Variants in UNC80 observed in about 807,000 individuals in gnomAD.
UNC80 encodes the protein unc-80 subunit of NALCN channel complex, also known as protein unc-80 homolog.
Under a neutral mutation model 384.6 loss-of-function variants are expected in UNC80, and 164 were observed. The ratio of observed to expected loss-of-function variants is 0.43; its 90% confidence interval spans 0.38 to 0.49. The LOEUF is 0.49. UNC80 is among the 20% of genes least tolerant of loss of function. The probability of loss-of-function intolerance (pLI) is 0.00; values close to 1 mark genes in which losing one functional copy is unlikely to be tolerated. For synonymous variants in UNC80, 1,486 were observed against 1,527.8 expected (o/e 0.97, Z 0.64); for missense variants, 3,330 against 4,143.0 (o/e 0.80, Z 5.39).
chr2:209,881,680 G>T (rs2085304515), intron 25 of UNC80, among the ~76,000 whole-genome samples: 1 of 151,810 alleles, frequency 6.6e-6, no homozygotes, highest in Non-Finnish European at 1.5e-5. Flanking sequence ...CTCCTGTGTG[G>T]TATACCATGA....
At chr2:209,908,878 T>C (rs1216734998) in intron 29 of UNC80, among the ~76,000 whole-genome samples, 2 of 152,216 alleles carry the variant, frequency 1.3e-5, no homozygotes, top group Non-Finnish European at 2.9e-5. Context: ...TGAGAAATAC[T>C]GCATTTCTGT....
At chr2:209,885,072 C>A (rs1351123120) in intron 25 of UNC80, among the ~76,000 whole-genome samples, 9 of 150,532 alleles carry the variant, frequency 6.0e-5, no homozygotes, top group Non-Finnish European at 1.2e-4. Flanking sequence ...TAAATTAATT[C>A]TTTTTAAAAA....
At position 209,912,640 on chromosome 2, in the gene UNC80, C is replaced by T. The variant is rs367616640; in HGVS notation, c.4863C>T (p.Ser1621=). 1.4e-4 allele frequency: 212 copies of T among 1,551,180 alleles called. No homozygotes were observed. In the East Asian group the frequency reaches 3.1e-3, roughly 23 times the overall value. The part of the protein sequence containing the change: ...SDANLEGKKD[S]GMLKYIRLQV... ...CCAATCTGGAAGGAAAAAAAGATTC[C>T]GGAATGCTGAAGTACATCAGACTTC... Residue 1621 remains serine (S), a synonymous_variant, in exon 30 of 65, where the codon TCC becomes TCT. Transcript: ENST00000673920.
intron 28 of UNC80, among the ~76,000 whole-genome samples, chr2:209,899,127 A>C (rs573358552): frequency 6.6e-6 from 1 of 152,194 alleles, no homozygotes; most frequent in Non-Finnish European, 1.5e-5. Flanking sequence ...TAACTTCAAT[A>C]TATGAATCTA....
In UNC80 at chr2:209,941,344, A is replaced by G. The variant is rs545275856; in HGVS notation, c.6770A>G (p.Asn2257Ser). ...GGAGACGAAATCATGCTTTTCCTCA[A>G]CGTTTTTAACGGGGCTCTGATCCTC... Reference protein sequence around the residue: ...PWGDEIMLFLNVFNGALILHP... With the variant: ...PWGDEIMLFLSVFNGALILHP... Residue 2257 changes from asparagine (N) to serine (S), a missense_variant, in exon 44 of 65, where the codon AAC becomes AGC. Asn to Ser is a conservative substitution (Grantham distance 46). Coordinates refer to ENST00000673920, the MANE Select transcript of UNC80 (RefSeq NM_001371986.1). 1.4e-5 allele frequency: 21 copies of G among 1,551,130 alleles called. No individual in the cohort carries two copies. The South Asian group carries it at 1.7e-4, about 12-fold the overall frequency.
Position 209,777,512 on chromosome 2 carries a change from G to A in UNC80, c.553G>A (p.Val185Met). The change falls in exon 4 of 65, where the codon GTG becomes ATG. Residue 185 changes from valine to methionine, a missense_variant. Val to Met is a conservative substitution (Grantham distance 21, BLOSUM62 1). Transcript: ENST00000673920. Reference sequence around the variant, plus strand: ...GATCTTCCAGAACTCCATGGCTACTGTGGAGCTCTTCGTGTTTCTGTTTGC... The same window carrying A: ...GATCTTCCAGAACTCCATGGCTACTATGGAGCTCTTCGTGTTTCTGTTTGC... ...RKIFQNSMAT[V>M]ELFVFLFAPL... 1 of 1,614,066 alleles carries A rather than the reference G, an allele frequency of 6.2e-7. No individual in the cohort carries two copies. The highest frequency in any genetic ancestry group is 8.5e-7 in the Non-Finnish European group (1 of 1,179,944).
chr2:209,913,710 C>A, intron 30 of UNC80, 92 bp from the exon 31 acceptor site: 1 of 1,328,832 alleles, frequency 7.5e-7, no homozygotes, highest in Non-Finnish European at 1.0e-6. Context: ...TTAAGGCAAG[C>A]AGAGAGAGGG....
chr2:209,775,800 AT>A, intron 2 of UNC80, 88 bp from the exon 3 acceptor site: 5 of 1,400,756 alleles, frequency 3.6e-6, no homozygotes, highest in South Asian at 1.3e-5. Context: ...CTTGCTGTTC[AT>A]TTTTTCACTA....
At chr2:209,908,345 A>G (rs566910613) in intron 29 of UNC80, among the ~76,000 whole-genome samples, 2 of 152,310 alleles carry the variant, frequency 1.3e-5, no homozygotes, top group East Asian at 3.9e-4. Flanking sequence ...CAATTTGCTA[A>G]TCTACATTTC....
At chr2:209,870,214 T>G (rs1409123235) in intron 22 of UNC80, among the ~76,000 whole-genome samples, 1 of 152,188 alleles carries the variant, frequency 6.6e-6, no homozygotes, top group Non-Finnish European at 1.5e-5. Context: ...CATTAAGCTT[T>G]GAATCCACAT....
intron 36 of UNC80, among the ~76,000 whole-genome samples, chr2:209,928,941 T>A (rs1221922557): frequency 6.6e-6 from 1 of 152,216 alleles, no homozygotes; most frequent in Non-Finnish European, 1.5e-5. Flanking sequence ...TGTTTTCCTG[T>A]GCCTGGCTTA....
chr2:209,840,915 C>T (rs2081692453), intron 20 of UNC80, among the ~76,000 whole-genome samples: 1 of 152,088 alleles, frequency 6.6e-6, no homozygotes, highest in Non-Finnish European at 1.5e-5. Flanking sequence ...CATTATTTCC[C>T]AGCTATTTTT....
At chr2:209,777,097 T>C (rs934976607) in intron 3 of UNC80, among the ~76,000 whole-genome samples, 161 bp from the exon 4 acceptor site, 1 of 152,202 alleles carries the variant, frequency 6.6e-6, no homozygotes, top group Non-Finnish European at 1.5e-5. Context: ...CTGCAGAGAT[T>C]GCGGCCAGTA....
intron 28 of UNC80, among the ~76,000 whole-genome samples, chr2:209,903,739 G>T (rs2087831773): frequency 6.8e-6 from 1 of 146,916 alleles, no homozygotes; most frequent in Non-Finnish European, 1.5e-5. Flanking sequence ...AAATTTAGTG[G>T]CTTAAAACAA....
rs915501062 is a variant in UNC80 at position 209,959,670 on chromosome 2, A to G, written c.7768A>G (p.Ile2590Val). 44 of 1,551,528 alleles carry G rather than the reference A, an allele frequency of 2.8e-5. No homozygotes were observed. Among genetic ancestry groups the G allele is most frequent in the Non-Finnish European group, 3.4e-5 (39 of 1,146,988 alleles). The change falls in exon 51 of 65, where the codon ATT becomes GTT. Residue 2590 changes from isoleucine (I) to valine (V), a missense_variant. Coordinates refer to ENST00000673920, the MANE Select transcript of UNC80 (RefSeq NM_001371986.1). ...AAATCTGGCTGGGGAGCCTCGGGTC[A>G]TTGCCTTGGAACTGCTGGATGTGAA... Reference protein sequence around the residue: ...LQNLAGEPRVIALELLDVKSH... With the variant: ...LQNLAGEPRVVALELLDVKSH...
chr2:209,926,244 ATT>A (rs2090427193), intron 35 of UNC80, among the ~76,000 whole-genome samples: 1 of 152,148 alleles, frequency 6.6e-6, no homozygotes, highest in Non-Finnish European at 1.5e-5. Flanking sequence ...TCCGCTTAGA[ATT>A]TTATCTTCAT....
chr2:209,922,527 G>C (rs962599699), intron 35 of UNC80, 144 bp downstream of exon 35: 13 of 1,059,546 alleles, frequency 1.2e-5, no homozygotes, highest in Non-Finnish European at 1.0e-5. Context: ...AATTAGCATG[G>C]CATCCTTTAA....
intron 47 of UNC80, among the ~76,000 whole-genome samples, chr2:209,951,776 A>G (rs2092199798): frequency 2.0e-5 from 3 of 151,816 alleles, no homozygotes; most frequent in Non-Finnish European, 4.4e-5. Flanking sequence ...TTGACTAATA[A>G]CTCTTCACAT....
chr2:209,821,908 T>A (rs1214075836), intron 13 of UNC80, among the ~76,000 whole-genome samples: 1 of 152,204 alleles, frequency 6.6e-6, no homozygotes, highest in Non-Finnish European at 1.5e-5. Flanking sequence ...TCTAGATATA[T>A]ACCATCTAGA....
Sources: gnomAD v4.1 joint callset for allele counts (sites outside exome capture counted in the v4.1 genomes callset) on GRCh38, gnomAD v4.1.1 for gene constraint, MANE v1.5 for transcripts, NCBI Gene and HGNC (gene_info 2026-07-23, HGNC 2026-07-21) for gene names.